Variants in BCAS3 observed in about 807,000 individuals in gnomAD.
The protein encoded by BCAS3 is BCAS4/BCAS3 fusion.
BCAS3 carries 53 observed loss-of-function variants against 116.1 expected under a neutral mutation model. The ratio of observed to expected loss-of-function variants is 0.46; its 90% CI spans 0.37 to 0.57. BCAS3 has a LOEUF of 0.57. Among genes scored for constraint, BCAS3 ranks in the 20% least tolerant of loss-of-function variants. The pLI is 0.00. For missense variants in BCAS3, 917 were observed against 1,165.4 expected (o/e 0.79, Z 3.10); for synonymous variants, 391 against 408.2 (o/e 0.96, Z 0.51).
intron 22 of BCAS3, among the ~76,000 whole-genome samples, chr17:61,345,648 T>C (rs1025853198): frequency 2.6e-5 from 4 of 152,058 alleles, no homozygotes; most frequent in Non-Finnish European, 5.9e-5. Flanking sequence ...TTCATCTTGA[T>C]GGGTTTGGCA....
chr17:60,924,509 GCTCT>G lies in BCAS3; in HGVS notation c.1087+12_1087+15del, dbSNP rs756034686. Reference sequence around the variant, plus strand: ...GGCTTTTAATACAAGTGGTAAGTTCGCTCTCTGTCTTTTTTTTTTTTTTTTTTGT... The same window carrying G: ...GGCTTTTAATACAAGTGGTAAGTTCGCTGTCTTTTTTTTTTTTTTTTTTGT... On this transcript the variant is annotated intron_variant, in intron 13 of 23. Transcript: ENST00000407086. 9.0e-6 allele frequency: 14 copies of G among 1,561,308 alleles called. No homozygotes were observed. The highest frequency in any genetic ancestry group is 2.8e-5 in the African/African-American group (2 of 70,880).
In BCAS3 at chr17:61,196,865, G is replaced by A. The variant is rs2080511483; in HGVS notation, c.2425+112301G>A. Among the ~76,000 whole-genome samples the A allele has an allele frequency of 1.3e-5, 2 of 152,172 alleles. No homozygotes were observed. Among genetic ancestry groups the A allele is most frequent in the African/African-American group, 4.8e-5 (2 of 41,428 alleles). On this transcript the variant is annotated intron_variant, in intron 22 of 23. Coordinates refer to ENST00000407086, the MANE Select transcript of BCAS3 (RefSeq NM_017679.5). The surrounding 1 kb of genome is among the most constrained non-coding windows in gnomAD (Gnocchi z 4.7). ...TTTATATATAATGTCATGGTTATTT[G>A]TAGAGAGATTGAAGAACCGGTCTCA...
rs1381202032 is a variant in BCAS3 at position 61,122,222 on chromosome 17, C to G, written c.2425+37658C>G. Among the ~76,000 whole-genome samples the G allele has an allele frequency of 6.6e-6, 1 of 152,128 alleles. No individual in the cohort carries two copies. Among genetic ancestry groups the G allele is most frequent in the Non-Finnish European group, 1.5e-5 (1 of 68,024 alleles). ...AGTGACGCATTTGAAATGGTGAAAT[C>G]TGATTGCTAGAAATTGTGATGTGAA... On this transcript the variant is annotated intron_variant, in intron 22 of 23. Coordinates refer to ENST00000407086, the MANE Select transcript of BCAS3 (RefSeq NM_017679.5). The surrounding 1 kb of genome is among the most constrained non-coding windows in gnomAD (Gnocchi z 4.6).
chr17:61,080,575 A>G (rs1348286189), intron 21 of BCAS3, among the ~76,000 whole-genome samples: 1 of 151,974 alleles, frequency 6.6e-6, no homozygotes. Flanking sequence ...AAACCCCATC[A>G]AAACCCTACC....
At chr17:60,824,453 G>C (rs1461022654) in intron 7 of BCAS3, among the ~76,000 whole-genome samples, 1 of 152,008 alleles carries the variant, frequency 6.6e-6, no homozygotes, top group Non-Finnish European at 1.5e-5. Context: ...GGTATCTCTT[G>C]TCCAGCACAT....
At chr17:60,699,858 G>A (rs536661985) in intron 4 of BCAS3, among the ~76,000 whole-genome samples, 23 of 130,488 alleles carry the variant, frequency 1.8e-4, no homozygotes, top group Admixed American at 5.4e-4. Flanking sequence ...GCAAGACTCC[G>A]TCTCAAAAAA....
rs941992178 is a variant in BCAS3, at chr17:61,013,228, A to G, written c.1487-2523A>G. Among the ~76,000 whole-genome samples, 12 of 152,004 alleles carry G rather than the reference A, an allele frequency of 7.9e-5. No homozygotes were observed. Among genetic ancestry groups the G allele is most frequent in the Non-Finnish European group, 4.4e-5 (3 of 67,966 alleles). On this transcript the variant is annotated intron_variant, in intron 15 of 23. Coordinates refer to ENST00000407086, the MANE Select transcript of BCAS3 (RefSeq NM_017679.5). The surrounding 1 kb of genome is among the most constrained non-coding windows in gnomAD (Gnocchi z 4.4). ...AATGATTCCTGTTTGTGCCTGTTAG[A>G]CTGTAAGCTTCATGATAACAAGGAA...
chr17:60,843,622 C>T (rs1487983725), intron 7 of BCAS3, among the ~76,000 whole-genome samples: 1 of 152,166 alleles, frequency 6.6e-6, no homozygotes, highest in African/African-American at 2.4e-5. Context: ...CATTTATCTA[C>T]CTTGTGACCA....
chr17:61,191,578 A>C (rs2080119438), intron 22 of BCAS3, among the ~76,000 whole-genome samples: 1 of 151,844 alleles, frequency 6.6e-6, no homozygotes, highest in Non-Finnish European at 1.5e-5. Context: ...GATTGAGACC[A>C]TGCTGGCTAA....
In BCAS3 at chr17:61,380,379, AC is replaced by A. The variant is rs2059548206; in HGVS notation, c.2594-11593del. 1 of 783,674 alleles carries A rather than the reference AC, an allele frequency of 1.3e-6. No individual in the cohort carries two copies. Among genetic ancestry groups the A allele is most frequent in the South Asian group, 1.5e-5 (1 of 64,598 alleles). The allele number at this position is 783,674 out of a possible 1,614,324, so 48.5% of individuals were successfully genotyped here. A position where few individuals can be genotyped will look rare whatever the true frequency, so the allele number is the denominator to read the frequency against. ...CTGTGCCTGGGAACAGACCATGAAC[AC>A]CCCCGCAAAGCTCTCAGTGGTCAAA... On this transcript the variant is annotated intron_variant, in intron 23 of 23. Coordinates refer to ENST00000407086, the MANE Select transcript of BCAS3 (RefSeq NM_017679.5). The surrounding 1 kb of genome is among the most constrained non-coding windows in gnomAD (Gnocchi z 4.2).
chr17:61,060,476 T>TA (rs1178553227), intron 19 of BCAS3, among the ~76,000 whole-genome samples: 1 of 152,008 alleles, frequency 6.6e-6, no homozygotes, highest in Non-Finnish European at 1.5e-5. Context: ...CATATAGTGT[T>TA]ATGTGGGAAA....
intron 6 of BCAS3, among the ~76,000 whole-genome samples, chr17:60,799,714 T>TTC (rs2047578477): frequency 7.9e-6 from 1 of 126,726 alleles, no homozygotes; most frequent in Non-Finnish European, 1.6e-5. Flanking sequence ...TTTTCTTTTT[T>TTC]TTTTTTTTTT....
In BCAS3 at chr17:61,191,967, G is replaced by A. The variant is rs534815482; in HGVS notation, c.2425+107403G>A. ...TTGAGAAACATACAGTTTAGAGTCC[G>A]GGCATGGAGGCTCACACCTGTAATC... On this transcript the variant is annotated intron_variant, in intron 22 of 23. Coordinates refer to ENST00000407086, the MANE Select transcript of BCAS3 (RefSeq NM_017679.5). Among the ~76,000 whole-genome samples the A allele has an allele frequency of 9.8e-4, 148 of 151,374 alleles. 1 individual carries two copies. Among genetic ancestry groups the A allele is most frequent in the African/African-American group, 3.2e-3 (131 of 41,310 alleles).
rs548096359 is a variant in BCAS3 at position 61,213,989 on chromosome 17, A to T, written c.2425+129425A>T. ...GTCTCCCAAAGTGAAAGACAAGAAA[A>T]ATGGGGGCTTCACTGCACAGTAGGC... On this transcript the variant is annotated intron_variant, in intron 22 of 23. Transcript: ENST00000407086. The surrounding 1 kb of genome is among the most constrained non-coding windows in gnomAD (Gnocchi z 5.4). 1.1e-4 allele frequency among the ~76,000 whole-genome samples: 17 copies of T among 152,252 alleles called. No homozygotes were observed. Among genetic ancestry groups the T allele is most frequent in the Middle Eastern group, 6.8e-3 (2 of 294 alleles).
rs1052310220 is a variant in BCAS3, at chr17:61,013,264, T to C, written c.1487-2487T>C. 3.4e-4 allele frequency among the ~76,000 whole-genome samples: 52 copies of C among 152,224 alleles called. No homozygotes were observed. Among genetic ancestry groups the C allele is most frequent in the African/African-American group, 1.2e-3 (51 of 41,564 alleles). On this transcript the variant is annotated intron_variant, in intron 15 of 23. Transcript: ENST00000407086. This position sits in a 1 kb window ranked among gnomAD's most constrained non-coding sequence, Gnocchi z 4.4. ...CATGATAACAAGGAAAACAGTCCCT[T>C]ACAGTGTTATCTTAAGCTAAGGCAC...
chr17:61,172,526 A>G (rs1026313786), intron 22 of BCAS3, among the ~76,000 whole-genome samples: 2 of 151,898 alleles, frequency 1.3e-5, no homozygotes, highest in Non-Finnish European at 2.9e-5. Context: ...AGTCCTAGCT[A>G]CTCGGGAGGC....
At chr17:60,891,823 T>C (rs2057173948) in intron 10 of BCAS3, 2 of 445,526 alleles carry the variant, frequency 4.5e-6, no homozygotes, top group Non-Finnish European at 9.0e-6. Flanking sequence ...CCTTTTGGAG[T>C]CCCCACTGCC....
chr17:61,045,867 A>ATATATATT (rs2068043276), intron 19 of BCAS3, among the ~76,000 whole-genome samples: 1 of 22,270 alleles, frequency 4.5e-5, no homozygotes, highest in African/African-American at 3.5e-4. Context: ...ATATATATAA[A>ATATATATT]TATATATAAA....
chr17:60,999,672 TC>T (rs2064105031), intron 15 of BCAS3, among the ~76,000 whole-genome samples: 1 of 152,208 alleles, frequency 6.6e-6, no homozygotes, highest in Non-Finnish European at 1.5e-5. Context: ...AATAGTTTTT[TC>T]TAATTCTGTG....
Sources: gnomAD v4.1 joint callset for allele counts (sites outside exome capture counted in the v4.1 genomes callset) on GRCh38, gnomAD v4.1.1 for gene constraint, Gnocchi (gnomAD v3.1) non-coding constraint, MANE v1.5 for transcripts, NCBI Gene and HGNC (gene_info 2026-07-23, HGNC 2026-07-21) for gene names.